PPFIA2: variants seen among roughly 807,000 people sequenced by gnomAD.
PPFIA2 encodes the protein PPFI scaffold protein A2.
PPFIA2 carries 46 observed loss-of-function variants against 175.5 expected under a neutral mutation model. That is an observed-to-expected ratio of 0.26 (90% CI 0.21 to 0.34). The LOEUF is 0.34. PPFIA2 is among the 10% of genes least tolerant of loss of function. PPFIA2 has a pLI of 1.00. For missense variants in PPFIA2, 1,179 were observed against 1,506.1 expected, an observed-to-expected ratio of 0.78 and a Z score of 3.60; for synonymous variants, 568 against 511.4, an observed-to-expected ratio of 1.11 and a Z score of -1.49.
chr12:81,480,815 A>C (rs1244667918), intron 4 of PPFIA2, among the ~76,000 whole-genome samples: 2 of 152,146 alleles, frequency 1.3e-5, no homozygotes, highest in Admixed American at 1.3e-4. Context: ...ACCAGATGCC[A>C]GCCAGAGCTC....
At chr12:81,688,407 T>A in intron 3 of PPFIA2, among the ~76,000 whole-genome samples, 1 of 151,980 alleles carries the variant, frequency 6.6e-6, no homozygotes, top group East Asian at 1.9e-4. Flanking sequence ...GACTCACTTT[T>A]GTTTGATGGA....
At chr12:81,414,991 A>G (rs1225882160) in intron 7 of PPFIA2, among the ~76,000 whole-genome samples, 1 of 149,962 alleles carries the variant, frequency 6.7e-6, no homozygotes, top group African/African-American at 2.4e-5. Context: ...GTTAAAACCA[A>G]TGGAGAGCAA....
intron 4 of PPFIA2, among the ~76,000 whole-genome samples, chr12:81,556,526 T>C (rs1191993291): frequency 6.6e-6 from 1 of 151,926 alleles, no homozygotes; most frequent in African/African-American, 2.4e-5. Context: ...TAATAGGCTA[T>C]CTTACAAGTG....
chr12:81,622,385 A>T (rs1263846663), intron 4 of PPFIA2, among the ~76,000 whole-genome samples: 1 of 152,180 alleles, frequency 6.6e-6, no homozygotes, highest in Non-Finnish European at 1.5e-5. Flanking sequence ...AGCTTCCTAG[A>T]GTAAAATTTT....
chr12:81,348,670 A>G (rs2059486579), intron 17 of PPFIA2, among the ~76,000 whole-genome samples: 1 of 152,138 alleles, frequency 6.6e-6, no homozygotes, highest in Admixed American at 6.5e-5. Flanking sequence ...CGGGAGGCAG[A>G]GTTTGCAGTG....
intron 8 of PPFIA2, among the ~76,000 whole-genome samples, chr12:81,391,408 C>T (rs2142249690): frequency 6.6e-6 from 1 of 151,900 alleles, no homozygotes; most frequent in East Asian, 1.9e-4. Context: ...ACAGGGAAGG[C>T]CAGCATAGAT....
At chr12:81,364,604 G>A (rs986170672) in intron 14 of PPFIA2, among the ~76,000 whole-genome samples, 3 of 151,656 alleles carry the variant, frequency 2.0e-5, no homozygotes, top group African/African-American at 7.3e-5. Flanking sequence ...TATGTTTCCT[G>A]GATTTTCTAG....
At chr12:81,466,538 A>T (rs935315053) in intron 4 of PPFIA2, among the ~76,000 whole-genome samples, 1 of 152,112 alleles carries the variant, frequency 6.6e-6, no homozygotes, top group African/African-American at 2.4e-5. Context: ...ACTGAAACGT[A>T]CCTATCTTAT....
intron 7 of PPFIA2, among the ~76,000 whole-genome samples, chr12:81,409,796 C>T (rs1244035335): frequency 6.6e-6 from 1 of 152,084 alleles, no homozygotes; most frequent in African/African-American, 2.4e-5. Context: ...TACTGAAAAA[C>T]TCACTATGTA....
rs183089895 is a variant in PPFIA2, at chr12:81,453,185, C to A, written c.405+4580G>T. On this transcript the variant is annotated intron_variant, in intron 5 of 32. Transcript: ENST00000549396. ...CACAGTCCCCAGAGTGTGATATTCC[C>A]CTTCCTGTGTCCATGTGATCTCATT... 2.2e-4 allele frequency among the ~76,000 whole-genome samples: 31 copies of A among 139,918 alleles called. 1 individual carries two copies. In the East Asian group the frequency reaches 6.4e-3, roughly 29 times the overall value. The allele number at this position is 139,918 out of a possible 152,430, so 91.8% of individuals were successfully genotyped here.
chr12:81,509,602 CT>C (rs35297606), intron 4 of PPFIA2, among the ~76,000 whole-genome samples: 29,810 of 142,054 alleles, frequency 0.21, 2,931 homozygotes, highest in East Asian at 0.25. Context: ...TCCACCTAAC[CT>C]TTTTTTTTTT....
chr12:81,587,558 T>C (rs776789544), intron 4 of PPFIA2, among the ~76,000 whole-genome samples: 146 of 152,186 alleles, frequency 9.6e-4, no homozygotes, highest in South Asian at 1.0e-3. Flanking sequence ...AGAATAATTC[T>C]TGTTATTTGT....
chr12:81,372,734 A>T (rs1376332054), intron 11 of PPFIA2, among the ~76,000 whole-genome samples: 1 of 151,626 alleles, frequency 6.6e-6, no homozygotes, highest in Non-Finnish European at 1.5e-5. Context: ...TGGTCATAAT[A>T]TAAAAAGTAT....
intron 19 of PPFIA2, among the ~76,000 whole-genome samples, chr12:81,343,710 T>C (rs1446845984): frequency 6.6e-6 from 1 of 152,114 alleles, no homozygotes; most frequent in Non-Finnish European, 1.5e-5. Flanking sequence ...TCTAATAAGA[T>C]GTCATTTTGT....
intron 4 of PPFIA2, among the ~76,000 whole-genome samples, chr12:81,564,571 T>C (rs915173673): frequency 3.9e-5 from 6 of 152,212 alleles, no homozygotes; most frequent in African/African-American, 9.6e-5. Flanking sequence ...CTTCCAATAG[T>C]ATGTAGAACA....
intron 3 of PPFIA2, among the ~76,000 whole-genome samples, chr12:81,690,915 C>T (rs2075165222): frequency 6.6e-6 from 1 of 152,082 alleles, no homozygotes; most frequent in African/African-American, 2.4e-5. Flanking sequence ...TCTATGTTCA[C>T]ATCTCTTTTT....
intron 4 of PPFIA2, among the ~76,000 whole-genome samples, chr12:81,473,797 A>T (rs1256710393): frequency 6.6e-6 from 1 of 152,332 alleles, no homozygotes; most frequent in East Asian, 1.9e-4. Flanking sequence ...TTTGCTTATT[A>T]TTTACTTATA....
intron 4 of PPFIA2, among the ~76,000 whole-genome samples, chr12:81,661,954 G>A (rs558480899): frequency 1.3e-5 from 2 of 152,100 alleles, no homozygotes; most frequent in East Asian, 3.8e-4. Context: ...TGACTACTGG[G>A]TATATAACGA....
intron 7 of PPFIA2, among the ~76,000 whole-genome samples, chr12:81,413,130 C>T (rs746175733): frequency 6.6e-6 from 1 of 151,762 alleles, no homozygotes; most frequent in Non-Finnish European, 1.5e-5. Flanking sequence ...TCTCACCAAC[C>T]ATTTTGACAC....
Sources: gnomAD v4.1 joint callset for allele counts (sites outside exome capture counted in the v4.1 genomes callset) on GRCh38, gnomAD v4.1.1 for gene constraint, MANE v1.5 for transcripts, NCBI Gene and HGNC (gene_info 2026-07-23, HGNC 2026-07-21) for gene names.